Variants in NREP observed in about 807,000 individuals in gnomAD.
The protein encoded by NREP is neuronal regeneration-related protein.
A neutral mutation model predicts 8.6 loss-of-function variants in NREP; 5 were observed. That is an observed-to-expected ratio of 0.58 (90% CI 0.30 to 1.22). The LOEUF (loss-of-function observed/expected upper bound fraction) is 1.22, where lower values mean the gene tolerates loss of function less well. NREP is among the 50% of genes most tolerant of loss of function. NREP has a pLI of 0.07. For missense variants in NREP, 86 were observed against 82.5 expected, an observed-to-expected ratio of 1.04 and a Z score of -0.17; for synonymous variants, 27 against 28.0, an observed-to-expected ratio of 0.96 and a Z score of 0.11.
intron 2 of NREP, among the ~76,000 whole-genome samples, chr5:111,938,749 C>A (rs912968758): frequency 2.0e-5 from 3 of 152,048 alleles, no homozygotes; most frequent in African/African-American, 7.2e-5. Flanking sequence ...GCATAAAAAG[C>A]TGGTGAATAC....
At chr5:111,951,413 C>A (rs1044215289) in intron 2 of NREP, among the ~76,000 whole-genome samples, 4 of 151,942 alleles carry the variant, frequency 2.6e-5, no homozygotes, top group African/African-American at 9.7e-5. Context: ...CTAAATATGG[C>A]CCACCATCGG....
chr5:111,852,676 G>A (rs1160793311), intron 2 of NREP, among the ~76,000 whole-genome samples: 1 of 152,076 alleles, frequency 6.6e-6, no homozygotes, highest in Non-Finnish European at 1.5e-5. Flanking sequence ...GAGGGGGTGT[G>A]TATGTATTTT....
intron 2 of NREP, chr5:111,912,671 A>G (rs1208941882): frequency 2.0e-5 from 3 of 152,098 alleles, no homozygotes; most frequent in African/African-American, 7.2e-5. Flanking sequence ...CAGGATCAAG[A>G]TATCTTTCTA....
chr5:111,973,582 T>C (rs1160484336), intron 2 of NREP, among the ~76,000 whole-genome samples: 1 of 152,210 alleles, frequency 6.6e-6, no homozygotes, highest in East Asian at 1.9e-4. Flanking sequence ...CAAACTTTTC[T>C]GAAATTTCTG....
At chr5:111,922,335 T>C (rs1207564767) in intron 2 of NREP, among the ~76,000 whole-genome samples, 2 of 152,084 alleles carry the variant, frequency 1.3e-5, no homozygotes, top group Admixed American at 6.5e-5. Context: ...TGAAGAGCCA[T>C]TGTCACTTTG....
intron 2 of NREP, among the ~76,000 whole-genome samples, chr5:111,936,803 A>G (rs1231842318): frequency 6.6e-6 from 1 of 152,126 alleles, no homozygotes; most frequent in Non-Finnish European, 1.5e-5. Context: ...ACAGCAAAGA[A>G]AATGAGTTAG....
At chr5:111,826,805 G>A (rs1220804536) in intron 2 of NREP, among the ~76,000 whole-genome samples, 2 of 152,188 alleles carry the variant, frequency 1.3e-5, no homozygotes, top group African/African-American at 4.8e-5. Context: ...AAAGTGCTGG[G>A]ATTATAGCCC....
In NREP at chr5:111,729,805, G is replaced by GA. The variant is rs1554093151; in HGVS notation, c.*1115dup. On this transcript the variant is annotated 3_prime_UTR_variant, in exon 4 of 4. Coordinates refer to ENST00000257435, the MANE Select transcript of NREP (RefSeq NM_004772.4). ...CTACACCTTGCTTATCAAAATTGCC[G>GA]AAAAAAGAATGCTCTGCCTTTTAAA... 5.9e-5 allele frequency: 9 copies of GA among 152,568 alleles called. No homozygotes were observed. In the South Asian group the frequency reaches 1.7e-3, roughly 28 times the overall value. 9.5% of individuals were successfully genotyped at this position (152,568 alleles called of 1,614,324 possible).
At position 111,914,924 on chromosome 5, in the gene NREP, T is replaced by A. The variant is rs150695221; in HGVS notation, c.135+60350A>T. 6.6e-5 allele frequency among the ~76,000 whole-genome samples: 10 copies of A among 152,292 alleles called. No homozygotes were observed. The East Asian group carries it at 1.7e-3, about 27-fold the overall frequency. ...AGATTTTTCCATTTTTATCAAAATC[T>A]TGCTCTTCTTTTTTATTGATTAGTC... On this transcript the variant is annotated intron_variant, in intron 2 of 3. Coordinates refer to the NREP transcript ENST00000395634.
At chr5:111,895,248 G>C (rs1027290988) in intron 2 of NREP, among the ~76,000 whole-genome samples, 2 of 152,154 alleles carry the variant, frequency 1.3e-5, no homozygotes, top group African/African-American at 4.8e-5. Context: ...AGGAATTGAT[G>C]GTAGTGAAAA....
intron 2 of NREP, among the ~76,000 whole-genome samples, chr5:111,840,099 G>T (rs1752991063): frequency 6.6e-6 from 1 of 151,922 alleles, no homozygotes. Context: ...AGCGATTTAG[G>T]TATAATGACG....
At chr5:111,796,022 G>T (rs532987434) in intron 2 of NREP, among the ~76,000 whole-genome samples, 1 of 152,128 alleles carries the variant, frequency 6.6e-6, no homozygotes, top group Non-Finnish European at 1.5e-5. Context: ...ATACAAATTT[G>T]TATCTTACAA....
intron 2 of NREP, among the ~76,000 whole-genome samples, chr5:111,743,554 T>G (rs1030103101): frequency 4.6e-5 from 7 of 152,146 alleles, no homozygotes; most frequent in Non-Finnish European, 8.8e-5. Flanking sequence ...TTAAGATATA[T>G]TAAGAATTTA....
intron 2 of NREP, among the ~76,000 whole-genome samples, chr5:111,825,457 GTCTC>G (rs1222282325): frequency 2.0e-5 from 3 of 152,002 alleles, no homozygotes; most frequent in African/African-American, 7.3e-5. Flanking sequence ...TTTGTTTACT[GTCTC>G]TCTTTCTAGA....
At chr5:111,946,261 T>C (rs1442799542) in intron 2 of NREP, among the ~76,000 whole-genome samples, 1 of 152,064 alleles carries the variant, frequency 6.6e-6, no homozygotes, top group African/African-American at 2.4e-5. Context: ...ATAGAATTTA[T>C]GCCACCAGCT....
upstream of NREP, chr5:111,757,273 G>A (rs1750782664): frequency 2.2e-6 from 1 of 448,982 alleles, no homozygotes; most frequent in Non-Finnish European, 2.9e-6. Context: ...AGGGGAAAGG[G>A]GTGGAGGAAG....
chr5:111,812,274 G>A (rs1008836881), intron 2 of NREP, among the ~76,000 whole-genome samples: 3 of 151,698 alleles, frequency 2.0e-5, no homozygotes, highest in Non-Finnish European at 4.4e-5. Flanking sequence ...GTGAAAGAGT[G>A]AGACCCTGTC....
At chr5:111,958,170 A>G (rs976053001) in intron 2 of NREP, among the ~76,000 whole-genome samples, 5 of 151,826 alleles carry the variant, frequency 3.3e-5, no homozygotes, top group African/African-American at 9.7e-5. Flanking sequence ...CTCAAAAAAG[A>G]GTAATGTGAT....
chr5:111,817,678 G>A (rs1278319813), intron 2 of NREP, among the ~76,000 whole-genome samples: 12 of 151,014 alleles, frequency 7.9e-5, no homozygotes, highest in East Asian at 1.9e-4. Context: ...AGTGGCGGGC[G>A]CCTGTAGTCC....
Sources: allele counts gnomAD v4.1 joint callset (sites outside exome capture counted in the v4.1 genomes callset), GRCh38; gene constraint gnomAD v4.1.1; transcripts MANE v1.5; gene names NCBI Gene and HGNC (gene_info 2026-07-23, HGNC 2026-07-21).